Variants in TMC2 observed in about 807,000 individuals in gnomAD.
TMC2 encodes transmembrane channel like 2.
Under a neutral mutation model 105.9 loss-of-function variants are expected in TMC2, and 102 were observed. The ratio of observed to expected loss-of-function variants is 0.96; its 90% CI spans 0.82 to 1.14. The LOEUF (loss-of-function observed/expected upper bound fraction) is 1.14. Among genes scored for constraint, TMC2 ranks in the 50% most tolerant of loss-of-function variants. TMC2 has a pLI of 0.00. For missense variants in TMC2, 1,093 were observed against 1,134.3 expected (o/e 0.96, Z 0.52); for synonymous variants, 402 against 422.8 (o/e 0.95, Z 0.60).
chr20:2,598,196 T>TA (rs2086322636), intron 10 of TMC2, among the ~76,000 whole-genome samples: 2 of 69,928 alleles, frequency 2.9e-5, no homozygotes, highest in Admixed American at 1.6e-4. Flanking sequence ...GCTAGTGAAA[T>TA]GAAAAAAAAA....
chr20:2,555,771 G>C (rs2122819791), intron 2 of TMC2, among the ~76,000 whole-genome samples: 1 of 152,260 alleles, frequency 6.6e-6, no homozygotes, highest in South Asian at 2.1e-4. Flanking sequence ...CATTTAATAT[G>C]ATTCCAGTTT....
intron 2 of TMC2, among the ~76,000 whole-genome samples, chr20:2,539,557 A>C (rs2085874616): frequency 6.6e-6 from 1 of 152,168 alleles, no homozygotes; most frequent in South Asian, 2.1e-4. Flanking sequence ...AGCAACATAG[A>C]GCTGATCTTT....
chr20:2,593,181 T>C (rs2086281248), intron 8 of TMC2, among the ~76,000 whole-genome samples: 1 of 152,022 alleles, frequency 6.6e-6, no homozygotes, highest in Non-Finnish European at 1.5e-5. Context: ...ACAGGGGAAA[T>C]GCCAGAAACT....
Position 2,641,295 on chromosome 20 carries a change from C to CA in TMC2, c.2666dup (p.Thr890AspfsTer138). 1.2e-6 allele frequency: 2 copies of CA among 1,614,190 alleles called. No individual in the cohort carries two copies. On this transcript the variant is annotated frameshift_variant, in exon 20 of 20. Coordinates refer to ENST00000358864, the MANE Select transcript of TMC2 (RefSeq NM_080751.3). LOFTEE classifies it high-confidence loss of function. ...ACCAGATTCTGGCCACGCCCCATCT[C>CA]AGACTCATCCGTGGAGGTCAGCCTC... is the stretch of plus-strand genomic sequence containing the variant.
intron 17 of TMC2, among the ~76,000 whole-genome samples, chr20:2,629,501 T>G (rs2086587779): frequency 7.5e-6 from 1 of 133,770 alleles, no homozygotes; most frequent in Non-Finnish European, 1.5e-5. Flanking sequence ...GTGGAGTAAC[T>G]TTTCTAATTA....
chr20:2,592,485 G>A lies in TMC2; in HGVS notation c.933+77G>A. 3 of 1,016,140 alleles carry A rather than the reference G, an allele frequency of 3.0e-6. No individual in the cohort carries two copies. Among genetic ancestry groups the A allele is most frequent in the Non-Finnish European group, 3.1e-6 (2 of 640,184 alleles). 62.9% of individuals were successfully genotyped at this position (1,016,140 alleles called of 1,614,324 possible). ...AGATTGCATGGATAAGTATGAAATA[G>A]TGCGTTTAATTATTGAAAAACCATT... On this transcript the variant is annotated intron_variant, in intron 8 of 19. Coordinates refer to ENST00000358864, the MANE Select transcript of TMC2 (RefSeq NM_080751.3). The surrounding 1 kb of genome is among the most constrained non-coding windows in gnomAD (Gnocchi z 4.9).
At chr20:2,583,320 C>T (rs1018738766) in intron 7 of TMC2, among the ~76,000 whole-genome samples, 1 of 152,120 alleles carries the variant, frequency 6.6e-6, no homozygotes, top group African/African-American at 2.4e-5. Context: ...CTGTTGATTC[C>T]CTTCTTGGTT....
intron 2 of TMC2, 33 bp downstream of exon 2, chr20:2,537,349 T>G (rs1428184759): frequency 6.4e-7 from 1 of 1,563,446 alleles, no homozygotes; most frequent in Non-Finnish European, 8.7e-7. Context: ...CTGGGGAGCC[T>G]GCAGTGCCTG....
intron 17 of TMC2, among the ~76,000 whole-genome samples, chr20:2,629,953 T>C (rs1288652493): frequency 6.6e-6 from 1 of 152,252 alleles, no homozygotes; most frequent in Non-Finnish European, 1.5e-5. Flanking sequence ...GAATGTATTG[T>C]CTAGAAAGAC....
At chr20:2,572,076 A>G (rs1428850053) in intron 4 of TMC2, 103 bp from the exon 5 acceptor site, 2 of 855,742 alleles carry the variant, frequency 2.3e-6, no homozygotes, top group African/African-American at 3.4e-5. Flanking sequence ...CCAGGGGTAT[A>G]CAAAGACATA....
At chr20:2,542,077 T>C (rs2085893713) in intron 2 of TMC2, among the ~76,000 whole-genome samples, 1 of 152,218 alleles carries the variant, frequency 6.6e-6, no homozygotes, top group Non-Finnish European at 1.5e-5. Flanking sequence ...GGAGAATTTT[T>C]TTCCTCTACC....
chr20:2,554,045 C>T (rs895825456), intron 2 of TMC2, among the ~76,000 whole-genome samples: 7 of 151,982 alleles, frequency 4.6e-5, no homozygotes, highest in South Asian at 4.2e-4. Context: ...CCACCATACC[C>T]GGCTAATTTT....
rs1171853846 is a variant in TMC2, at chr20:2,539,992, T to TTTC, written c.82+2678_82+2679insCTT. On this transcript the variant is annotated intron_variant, in intron 2 of 19. Transcript: ENST00000358864. Reference sequence around the variant, plus strand: ...AGACTATTCTTTTCTTTTCTTTTCTTTTTTTTTTTTTTTTTTGAGATGGAG... The same window carrying TTTC: ...AGACTATTCTTTTCTTTTCTTTTCTTTTCTTTTTTTTTTTTTTTTGAGATGGAG... Among the ~76,000 whole-genome samples the TTTC allele has an allele frequency of 7.0e-3, 906 of 128,718 alleles. 3 individuals are homozygous for TTTC. The highest frequency in any genetic ancestry group is 0.027 in the African/African-American group (820 of 29,900). 84.4% of individuals were successfully genotyped at this position (128,718 alleles called of 152,430 possible).
At chr20:2,569,338 G>C (rs1418074934) in intron 4 of TMC2, among the ~76,000 whole-genome samples, 1 of 152,192 alleles carries the variant, frequency 6.6e-6, no homozygotes, top group Non-Finnish European at 1.5e-5. Flanking sequence ...TTAACAGGGT[G>C]CTCATTCACT....
chr20:2,560,835 TCAAA>T (rs2086021337), intron 3 of TMC2, among the ~76,000 whole-genome samples: 1 of 75,658 alleles, frequency 1.3e-5, no homozygotes. Flanking sequence ...AGACTCCATC[TCAAA>T]AAAAAAAAAA....
chr20:2,575,284 A>C (rs938886512), intron 5 of TMC2, among the ~76,000 whole-genome samples: 1 of 152,238 alleles, frequency 6.6e-6, no homozygotes, highest in Non-Finnish European at 1.5e-5. Flanking sequence ...AATCACAATA[A>C]GACAGTCCCT....
intron 2 of TMC2, among the ~76,000 whole-genome samples, chr20:2,551,880 T>C (rs1268562263): frequency 6.6e-6 from 1 of 152,210 alleles, no homozygotes. Context: ...TGTACCTTTA[T>C]AGTGTTGATG....
Position 2,616,205 on chromosome 20 carries a change from G to A in TMC2, c.1940+1G>A, listed in dbSNP as rs2086480444. The A allele has an allele frequency of 8.1e-6, 13 of 1,611,936 alleles. No homozygotes were observed. Among genetic ancestry groups the A allele is most frequent in the Non-Finnish European group, 1.0e-5 (12 of 1,178,088 alleles). ...TGATCTTCAACCAAGGAATGATCTG[G>A]TGAGTTATCCATTTCATCTGGTGAT... On this transcript the variant is annotated splice_donor_variant, in intron 15 of 19. Coordinates refer to ENST00000358864, the MANE Select transcript of TMC2 (RefSeq NM_080751.3). LOFTEE classifies it high-confidence loss of function. This position sits in a 1 kb window ranked among gnomAD's most constrained non-coding sequence, Gnocchi z 4.8.
intron 14 of TMC2, among the ~76,000 whole-genome samples, chr20:2,615,406 G>T (rs774373558): frequency 6.6e-6 from 1 of 152,218 alleles, no homozygotes; most frequent in African/African-American, 2.4e-5. Flanking sequence ...CCCTTCCTTT[G>T]TCTCTTTCCT....
Sources: gnomAD v4.1 joint callset for allele counts (sites outside exome capture counted in the v4.1 genomes callset) on GRCh38, gnomAD v4.1.1 for gene constraint, Gnocchi (gnomAD v3.1) non-coding constraint, MANE v1.5 for transcripts, NCBI Gene and HGNC (gene_info 2026-07-23, HGNC 2026-07-21) for gene names.